Variants in CLEC9A observed in about 807,000 individuals in gnomAD.
CLEC9A encodes C-type lectin domain containing 9A, also known as C-type lectin domain family 9 member A.
A neutral mutation model predicts 30.0 loss-of-function variants in CLEC9A; 24 were observed. That is an observed-to-expected ratio of 0.80 (90% CI 0.58 to 1.13). The LOEUF is 1.13. Among genes scored for constraint, CLEC9A ranks in the 50% most tolerant of loss-of-function variants. The pLI, the probability that CLEC9A is intolerant of heterozygous loss-of-function variation, is 0.00. For synonymous variants in CLEC9A, 111 were observed against 96.8 expected, an observed-to-expected ratio of 1.15 and a Z score of -0.86; for missense variants, 251 against 280.9, an observed-to-expected ratio of 0.89 and a Z score of 0.76.
chr12:10,064,999 A>G, intron 8 of CLEC9A, 146 bp downstream of exon 8: 1 of 944,286 alleles, frequency 1.1e-6, no homozygotes, highest in East Asian at 3.0e-5. Context: ...AGCTAACAAA[A>G]TTAAGAGTAG....
In CLEC9A at chr12:10,065,695, C is replaced by T; in HGVS notation, c.*63C>T. ...TTGGAGCATGCCATTGGAAAACCCA[C>T]CCCCACCCCCCCTCAAAAAAACAGA... On this transcript the variant is annotated 3_prime_UTR_variant, in exon 9 of 9. Transcript: ENST00000355819. The T allele has an allele frequency of 1.3e-6, 2 of 1,527,080 alleles. No individual in the cohort carries two copies. The highest frequency in any genetic ancestry group is 1.8e-6 in the Non-Finnish European group (2 of 1,131,166). 94.6% of individuals were successfully genotyped at this position (1,527,080 alleles called of 1,614,324 possible). A position where few individuals can be genotyped will look rare whatever the true frequency, so the allele number is the denominator to read the frequency against.
rs569301984 is a variant in CLEC9A, at chr12:10,064,972, C to T, written c.593+119C>T. The T allele has an allele frequency of 3.1e-5, 38 of 1,221,644 alleles. 1 individual carries two copies. In the South Asian group the frequency reaches 4.0e-4, roughly 13 times the overall value. The allele number at this position is 1,221,644 out of a possible 1,614,324, so 75.7% of individuals were successfully genotyped here. A position where few individuals can be genotyped will look rare whatever the true frequency, so the allele number is the denominator to read the frequency against. On this transcript the variant is annotated intron_variant, in intron 8 of 8. Transcript: ENST00000355819. ...ACAAGCAGCATGATAATGTTACAGG[C>T]GGCTAATTGGGATTAAAGCTAACAA...
intron 5 of CLEC9A, among the ~76,000 whole-genome samples, chr12:10,059,029 T>A (rs995496216): frequency 1.3e-5 from 2 of 152,236 alleles, no homozygotes; most frequent in African/African-American, 2.4e-5. Context: ...TTGTTTTTTT[T>A]AATTCACTAA....
At chr12:10,058,027 T>G (rs1295184535) in intron 5 of CLEC9A, among the ~76,000 whole-genome samples, 2 of 152,176 alleles carry the variant, frequency 1.3e-5, no homozygotes, top group Non-Finnish European at 2.9e-5. Context: ...TATATTGTTT[T>G]GTCTTTATTC....
intron 2 of CLEC9A, among the ~76,000 whole-genome samples, chr12:10,051,312 T>C (rs1865891256): frequency 6.6e-6 from 1 of 152,232 alleles, no homozygotes; most frequent in African/African-American, 2.4e-5. Flanking sequence ...TTTGAGAGGC[T>C]GAGCTCAAAT....
intron 1 of CLEC9A, among the ~76,000 whole-genome samples, chr12:10,033,073 G>T (rs1422767182): frequency 2.0e-5 from 3 of 150,796 alleles, no homozygotes; most frequent in African/African-American, 7.3e-5. Flanking sequence ...TTCATCTCAC[G>T]CACCAGATAA....
At chr12:10,034,432 A>G (rs1220747923) in intron 1 of CLEC9A, among the ~76,000 whole-genome samples, 1 of 152,164 alleles carries the variant, frequency 6.6e-6, no homozygotes, top group African/African-American at 2.4e-5. Context: ...CAATTATATC[A>G]CTTTTCTTCA....
intron 2 of CLEC9A, among the ~76,000 whole-genome samples, chr12:10,048,481 A>G (rs1001408136): frequency 1.3e-5 from 2 of 152,172 alleles, no homozygotes; most frequent in Non-Finnish European, 2.9e-5. Context: ...CCCATAGTAA[A>G]CTTCTTTCAA....
intron 1 of CLEC9A, among the ~76,000 whole-genome samples, chr12:10,033,805 C>T (rs1865721056): frequency 2.0e-5 from 3 of 151,978 alleles, no homozygotes; most frequent in African/African-American, 7.3e-5. Flanking sequence ...TCAGAGGACA[C>T]TTTTAAAGTG....
chr12:10,039,048 G>A (rs1333681108), intron 1 of CLEC9A, among the ~76,000 whole-genome samples: 1 of 152,236 alleles, frequency 6.6e-6, no homozygotes, highest in Non-Finnish European at 1.5e-5. Context: ...GGCAGGGGCA[G>A]GGGCAGGGGT....
At chr12:10,043,100 C>G (rs1048179907) in intron 2 of CLEC9A, 1 of 254,430 alleles carries the variant, frequency 3.9e-6, no homozygotes, top group Non-Finnish European at 7.8e-6. Flanking sequence ...TTAATATAGA[C>G]ATGTAATCCA....
At chr12:10,058,465 G>A (rs1865962441) in intron 5 of CLEC9A, among the ~76,000 whole-genome samples, 1 of 152,168 alleles carries the variant, frequency 6.6e-6, no homozygotes, top group Admixed American at 6.5e-5. Flanking sequence ...TCTAGTCCAT[G>A]GCTTTTGATT....
intron 2 of CLEC9A, among the ~76,000 whole-genome samples, chr12:10,042,515 A>G (rs1249106149): frequency 6.6e-6 from 1 of 152,238 alleles, no homozygotes; most frequent in East Asian, 1.9e-4. Flanking sequence ...AATTCAACAA[A>G]TATGTGCTGA....
intron 1 of CLEC9A, among the ~76,000 whole-genome samples, chr12:10,034,783 A>T (rs1865730198): frequency 6.6e-6 from 1 of 152,080 alleles, no homozygotes; most frequent in Admixed American, 6.5e-5. Flanking sequence ...AGTGTCTAGG[A>T]GTAAATGTTT....
At position 10,041,618 on chromosome 12, in the gene CLEC9A, C is replaced by A; in HGVS notation, c.-165C>A. On this transcript the variant is annotated splice_region_variant and 5_prime_UTR_variant, in exon 2 of 9. The change creates a new upstream start codon in the 5' untranslated region. Coordinates refer to ENST00000355819, the MANE Select transcript of CLEC9A (RefSeq NM_207345.4). The stretch of plus-strand genomic sequence containing the variant: ...CCTGAAGACTGACAACCAGAACATT[C>A]TGGTAAGAAGATTCTTATGTCAAAT... 1.9e-6 allele frequency: 1 copy of A among 530,576 alleles called. No individual in the cohort carries two copies. 32.9% of individuals were successfully genotyped at this position (530,576 alleles called of 1,614,324 possible).
At chr12:10,051,649 C>T (rs1221026207) in intron 2 of CLEC9A, among the ~76,000 whole-genome samples, 1 of 152,246 alleles carries the variant, frequency 6.6e-6, no homozygotes, top group East Asian at 1.9e-4. Flanking sequence ...CAAAAGTAAA[C>T]AGTGTAATTT....
At chr12:10,031,285 C>T (rs149542425) in intron 1 of CLEC9A, among the ~76,000 whole-genome samples, 1 of 152,210 alleles carries the variant, frequency 6.6e-6, no homozygotes, top group African/African-American at 2.4e-5. Context: ...ATACTGCAGG[C>T]AGTAGACAGC....
chr12:10,054,471 C>A, intron 5 of CLEC9A, 120 bp downstream of exon 5: 1 of 658,776 alleles, frequency 1.5e-6, no homozygotes, highest in Non-Finnish European at 2.5e-6. Flanking sequence ...AAATAATGGC[C>A]TCAAATTTCA....
intron 5 of CLEC9A, among the ~76,000 whole-genome samples, chr12:10,057,656 G>C (rs554044533): frequency 2.0e-5 from 3 of 151,908 alleles, no homozygotes; most frequent in Non-Finnish European, 4.4e-5. Flanking sequence ...TAAAAATATG[G>C]TTTTCTAAAG....
Sources: gnomAD v4.1 joint callset for allele counts (sites outside exome capture counted in the v4.1 genomes callset) on GRCh38, gnomAD v4.1.1 for gene constraint, MANE v1.5 for transcripts, NCBI Gene and HGNC (gene_info 2026-07-23, HGNC 2026-07-21) for gene names.